SWAP70: variants seen among roughly 807,000 people sequenced by gnomAD.
The protein encoded by SWAP70 is switching B cell complex subunit SWAP70.
SWAP70 carries 34 observed loss-of-function variants against 80.2 expected under a neutral mutation model. The observed-to-expected ratio is 0.42, with a 90% confidence interval of 0.32 to 0.56. The LOEUF is 0.56. Ranked by LOEUF, SWAP70 falls within the 20% of genes least tolerant of loss-of-function variation. SWAP70 has a pLI of 0.09. For synonymous variants in SWAP70, 239 were observed against 238.5 expected (o/e 1.00, Z -0.02); for missense variants, 578 against 690.7 (o/e 0.84, Z 1.83).
chr11:9,675,365 GAGA>G (rs1850480220), intron 1 of SWAP70, among the ~76,000 whole-genome samples: 1 of 34,994 alleles, frequency 2.9e-5, no homozygotes. Context: ...GAGAGAGAGA[GAGA>G]GAGAGAGAGA....
At chr11:9,739,557 A>G (rs1851408564) in intron 8 of SWAP70, among the ~76,000 whole-genome samples, 1 of 152,210 alleles carries the variant, frequency 6.6e-6, no homozygotes, top group African/African-American at 2.4e-5. Context: ...TGTGTTTGTT[A>G]TATTTAGGAT....
At chr11:9,699,279 A>G (rs955300164) in intron 2 of SWAP70, among the ~76,000 whole-genome samples, 5 of 152,138 alleles carry the variant, frequency 3.3e-5, no homozygotes, top group Admixed American at 1.3e-4. Context: ...ACTGAATTGT[A>G]TACTTTAAAA....
chr11:9,699,866 G>GTATATA lies in SWAP70; in HGVS notation c.240+5599_240+5604dup, dbSNP rs113413903. On this transcript the variant is annotated intron_variant, in intron 2 of 11. Transcript: ENST00000318950. ...CTGTGTCACCCAGGCTGTATAGTGT[G>GTATATA]TATATATATATATATATATATATAG... Among the ~76,000 whole-genome samples, 615 of 144,116 alleles carry GTATATA rather than the reference G, an allele frequency of 4.3e-3. 1 individual carries two copies. Among genetic ancestry groups the GTATATA allele is most frequent in the Non-Finnish European group, 6.5e-3 (426 of 66,006 alleles). 94.5% of individuals were successfully genotyped at this position (144,116 alleles called of 152,430 possible). A position where few individuals can be genotyped will look rare whatever the true frequency, so the allele number is the denominator to read the frequency against.
intron 1 of SWAP70, among the ~76,000 whole-genome samples, chr11:9,683,597 A>G (rs1430549918): frequency 6.6e-6 from 1 of 152,172 alleles, no homozygotes; most frequent in African/African-American, 2.4e-5. Flanking sequence ...ACTGTTAGGA[A>G]TACAAAAGTG....
intron 2 of SWAP70, among the ~76,000 whole-genome samples, chr11:9,706,378 C>A (rs1277405105): frequency 6.6e-6 from 1 of 151,912 alleles, no homozygotes; most frequent in Admixed American, 6.6e-5. Flanking sequence ...ATACATTGAT[C>A]AGCACTTGTT....
rs917242711 is a variant in SWAP70 at position 9,743,981 on chromosome 11, G to A, written c.1355+3634G>A. ...ATCTTGTAATTTTTTTTTTTTTTTT[G>A]AGACGGAGTCTCGCTCTGTCACCCA... On this transcript the variant is annotated intron_variant, in intron 9 of 11. Coordinates refer to ENST00000318950, the MANE Select transcript of SWAP70 (RefSeq NM_015055.4). 4.4e-5 allele frequency among the ~76,000 whole-genome samples: 3 copies of A among 68,636 alleles called. No individual in the cohort carries two copies. The East Asian group carries it at 1.3e-3, about 30-fold the overall frequency. 45.0% of individuals were successfully genotyped at this position (68,636 alleles called of 152,430 possible).
intron 2 of SWAP70, among the ~76,000 whole-genome samples, chr11:9,701,391 T>C (rs995072234): frequency 1.3e-5 from 2 of 151,944 alleles, no homozygotes; most frequent in Admixed American, 1.3e-4. Flanking sequence ...AGGCTGGTCT[T>C]GAACTCCTGA....
At chr11:9,665,894 T>C (rs547150804) in intron 1 of SWAP70, among the ~76,000 whole-genome samples, 150 of 152,236 alleles carry the variant, frequency 9.9e-4, no homozygotes, top group African/African-American at 3.5e-3. Context: ...TAAATAGATG[T>C]AGCTGGGTCT....
intron 2 of SWAP70, among the ~76,000 whole-genome samples, chr11:9,713,096 G>A (rs762485721): frequency 1.3e-5 from 2 of 152,186 alleles, no homozygotes; most frequent in Non-Finnish European, 2.9e-5. Context: ...TTGGTAGCCT[G>A]TTTATTAATA....
chr11:9,713,623 T>C lies in SWAP70; in HGVS notation c.398T>C (p.Ile133Thr), dbSNP rs1851027857. ...TTATCTGAGGACAAGTATCCATTAA[T>C]TATTGTGTCAGAAGAGGTAAGGTGT... ...NFLSEDKYPLIIVSEEIEYLL... is the reference protein window; with the variant it reads ...NFLSEDKYPLTIVSEEIEYLL... The change falls in exon 3 of 12, where the codon ATT becomes ACT. Residue 133 changes from isoleucine (I) to threonine (T), a missense_variant. Ile to Thr is a moderately conservative substitution (Grantham distance 89). Coordinates refer to ENST00000318950, the MANE Select transcript of SWAP70 (RefSeq NM_015055.4). 3 of 1,613,356 alleles carry C rather than the reference T, an allele frequency of 1.9e-6. No homozygotes were observed. Among genetic ancestry groups the C allele is most frequent in the Admixed American group, 1.7e-5 (1 of 59,976 alleles).
At position 9,695,146 on chromosome 11, in the gene SWAP70, TTAG is replaced by T. The variant is rs1850739607; in HGVS notation, c.240+863_240+865del. Among the ~76,000 whole-genome samples, 4 of 151,970 alleles carry T rather than the reference TTAG, an allele frequency of 2.6e-5. No homozygotes were observed. The South Asian group carries it at 8.3e-4, about 32-fold the overall frequency. On this transcript the variant is annotated intron_variant, in intron 2 of 11. Transcript: ENST00000318950. ...TCTATTAAAAATACAAAAATTATTT[TTAG>T]TACGTGTGGTGGCATGCTCCTGTAA... is the stretch of plus-strand genomic sequence containing the variant.
At chr11:9,739,471 C>G (rs769985924) in intron 8 of SWAP70, among the ~76,000 whole-genome samples, 9 of 152,230 alleles carry the variant, frequency 5.9e-5, no homozygotes, top group African/African-American at 1.7e-4. Context: ...ATCACATGCT[C>G]TCTCATGACT....
rs560552585 is a variant in SWAP70 at position 9,672,744 on chromosome 11, T to G, written c.99+8466T>G. 2.6e-5 allele frequency among the ~76,000 whole-genome samples: 4 copies of G among 152,134 alleles called. No homozygotes were observed. The South Asian group carries it at 8.3e-4, about 32-fold the overall frequency. Reference sequence around the variant, plus strand: ...AATGTGCTTGAGTCATTGCTATAATTAGTAAATATTGGCCTTGAGGGCCCC... The same window carrying G: ...AATGTGCTTGAGTCATTGCTATAATGAGTAAATATTGGCCTTGAGGGCCCC... On this transcript the variant is annotated intron_variant, in intron 1 of 11. Transcript: ENST00000318950.
chr11:9,698,807 AT>A (rs1850794824), intron 2 of SWAP70, among the ~76,000 whole-genome samples: 1 of 152,140 alleles, frequency 6.6e-6, no homozygotes, highest in South Asian at 2.1e-4. Flanking sequence ...GACCAAAAAA[AT>A]ATATTTATGG....
Position 9,664,124 on chromosome 11 carries a change from A to C in SWAP70, c.-56A>C, listed in dbSNP as rs1323484937. ...GGCTGCGGAGGTTGAGGGGCGTCCG[A>C]GGCGCGGAGGGGCTGGCTGGGCAGG... On this transcript the variant is annotated 5_prime_UTR_variant, in exon 1 of 12. Coordinates refer to ENST00000318950, the MANE Select transcript of SWAP70 (RefSeq NM_015055.4). 2 of 1,496,974 alleles carry C rather than the reference A, an allele frequency of 1.3e-6. No individual in the cohort carries two copies. The highest frequency in any genetic ancestry group is 2.1e-5 in the Admixed American group (1 of 47,614). 92.7% of individuals were successfully genotyped at this position (1,496,974 alleles called of 1,614,324 possible). A position where few individuals can be genotyped will look rare whatever the true frequency, so the allele number is the denominator to read the frequency against.
chr11:9,686,202 A>G (rs1426455622), intron 1 of SWAP70, among the ~76,000 whole-genome samples: 2 of 151,834 alleles, frequency 1.3e-5, no homozygotes, highest in Admixed American at 1.3e-4. Flanking sequence ...TTTTCAGTGA[A>G]TATCTTTCTT....
At chr11:9,730,448 CTTT>C (rs34315250) in intron 6 of SWAP70, among the ~76,000 whole-genome samples, 87,360 of 151,630 alleles carry the variant, frequency 0.58, 25,332 homozygotes, top group Middle Eastern at 0.75. Context: ...TTATTTCATT[CTTT>C]TTTTATGACT....
intron 1 of SWAP70, among the ~76,000 whole-genome samples, chr11:9,677,002 C>G (rs1047156305): frequency 7.3e-5 from 11 of 151,524 alleles, no homozygotes; most frequent in African/African-American, 2.7e-4. Context: ...TGCTTGAACA[C>G]ACAGATGCAG....
intron 2 of SWAP70, among the ~76,000 whole-genome samples, chr11:9,699,277 G>A (rs898244128): frequency 6.6e-6 from 1 of 151,974 alleles, no homozygotes; most frequent in Non-Finnish European, 1.5e-5. Context: ...CCACTGAATT[G>A]TATACTTTAA....
Sources: allele counts gnomAD v4.1 joint callset (sites outside exome capture counted in the v4.1 genomes callset), GRCh38; gene constraint gnomAD v4.1.1; transcripts MANE v1.5; gene names NCBI Gene and HGNC (gene_info 2026-07-23, HGNC 2026-07-21).